Variants in LINGO2 observed in about 807,000 individuals in gnomAD.
LINGO2 encodes leucine-rich repeat and immunoglobulin-like domain-containing nogo receptor-interacting protein 2.
A neutral mutation model predicts 30.6 loss-of-function variants in LINGO2; 14 were observed. The observed-to-expected ratio is 0.46, with a 90% CI of 0.30 to 0.72. The LOEUF (loss-of-function observed/expected upper bound fraction) is 0.72, where lower values mean the gene tolerates loss of function less well. LINGO2 is among the 30% of genes least tolerant of loss of function. The pLI, the probability that LINGO2 is intolerant of heterozygous loss-of-function variation, is 0.07. For synonymous variants in LINGO2, 317 were observed against 288.5 expected, an observed-to-expected ratio of 1.10 and a Z score of -1.00; for missense variants, 729 against 751.7, an observed-to-expected ratio of 0.97 and a Z score of 0.35.
chr9:28,287,699 G>A (rs189712053), intron 4 of LINGO2, among the ~76,000 whole-genome samples: 82 of 152,250 alleles, frequency 5.4e-4, no homozygotes, highest in Admixed American at 4.4e-3. Context: ...ATAAAGTAGG[G>A]TAGCAGCTGC....
the LINGO2 span, among the ~76,000 whole-genome samples, chr9:28,695,434 C>G: frequency 6.6e-6 from 1 of 151,828 alleles, no homozygotes; most frequent in Non-Finnish European, 1.5e-5. Context: ...GACAATTTGT[C>G]AATAACTATT....
intron 1 of LINGO2, among the ~76,000 whole-genome samples, chr9:28,483,880 C>T (rs778563456): frequency 3.3e-5 from 5 of 151,922 alleles, no homozygotes; most frequent in African/African-American, 4.8e-5. Flanking sequence ...TTGTTTTAAA[C>T]ACATTCTATT....
intron 4 of LINGO2, among the ~76,000 whole-genome samples, chr9:28,028,026 GTTAT>G (rs1395321837): frequency 6.6e-6 from 1 of 152,074 alleles, no homozygotes; most frequent in Non-Finnish European, 1.5e-5. Flanking sequence ...TCACTTATTT[GTTAT>G]TTATTGAGCA....
At chr9:29,066,280 G>T in the LINGO2 span, among the ~76,000 whole-genome samples, 4 of 151,952 alleles carry the variant, frequency 2.6e-5, no homozygotes, top group East Asian at 7.7e-4. Context: ...AAACAGCAGT[G>T]ATACGTCGCA....
At chr9:28,542,304 C>T (rs1821735671) in intron 1 of LINGO2, among the ~76,000 whole-genome samples, 1 of 151,896 alleles carries the variant, frequency 6.6e-6, no homozygotes, top group Non-Finnish European at 1.5e-5. Flanking sequence ...AAGCTATCTG[C>T]TGATAGCTCT....
At chr9:28,888,152 T>TACTC in the LINGO2 span, among the ~76,000 whole-genome samples, 1 of 152,128 alleles carries the variant, frequency 6.6e-6, no homozygotes, top group East Asian at 1.9e-4. Flanking sequence ...GAGTCTCTGC[T>TACTC]ACTCACTAAT....
intron 5 of LINGO2, among the ~76,000 whole-genome samples, chr9:27,957,408 C>T (rs762539120): frequency 3.9e-5 from 6 of 152,164 alleles, no homozygotes; most frequent in Non-Finnish European, 7.3e-5. Context: ...ATTCTCCTGC[C>T]TCAGCCTCCC....
intron 1 of LINGO2, among the ~76,000 whole-genome samples, chr9:28,667,537 A>G (rs1432610402): frequency 6.6e-6 from 1 of 152,098 alleles, no homozygotes; most frequent in African/African-American, 2.4e-5. Context: ...TGAGGTCAGG[A>G]GTTCAAGAGC....
In LINGO2 at chr9:28,594,364, A is replaced by C. The variant is rs552982817; in HGVS notation, c.-365+75836T>G. On this transcript the variant is annotated intron_variant, in intron 1 of 5. Transcript: ENST00000379992. Reference sequence around the variant, plus strand: ...TCATGGTTCATGGTTCATTGCCTTCAAAATTATCAACGTGGTTCATTGCCT... The same window carrying C: ...TCATGGTTCATGGTTCATTGCCTTCCAAATTATCAACGTGGTTCATTGCCT... Among the ~76,000 whole-genome samples, 45 of 152,212 alleles carry C rather than the reference A, an allele frequency of 3.0e-4. No individual in the cohort carries two copies. The South Asian group carries it at 9.3e-3, about 32-fold the overall frequency.
At chr9:28,979,364 T>C in the LINGO2 span, among the ~76,000 whole-genome samples, 1 of 151,996 alleles carries the variant, frequency 6.6e-6, no homozygotes, top group Non-Finnish European at 1.5e-5. Context: ...CTATGGGTGG[T>C]AGAAAAGGTA....
chr9:29,098,930 CTGAGCA>C, the LINGO2 span, among the ~76,000 whole-genome samples: 1 of 152,066 alleles, frequency 6.6e-6, no homozygotes, highest in African/African-American at 2.4e-5. Context: ...CAAAGCTATC[CTGAGCA>C]AAAAGAACGA....
At chr9:28,937,771 G>A in the LINGO2 span, among the ~76,000 whole-genome samples, 4 of 152,232 alleles carry the variant, frequency 2.6e-5, no homozygotes, top group South Asian at 8.3e-4. Context: ...TCTCTCAATT[G>A]CTGTTTGGAT....
the LINGO2 span, among the ~76,000 whole-genome samples, chr9:29,211,976 A>G: frequency 3.9e-5 from 6 of 152,062 alleles, no homozygotes; most frequent in Admixed American, 1.3e-4. Flanking sequence ...TTTTTTAGAT[A>G]CAGACCCTAT....
intron 1 of LINGO2, among the ~76,000 whole-genome samples, chr9:28,544,438 C>A (rs1425649295): frequency 6.6e-6 from 1 of 152,024 alleles, no homozygotes; most frequent in African/African-American, 2.4e-5. Flanking sequence ...GTAACCCACA[C>A]TGACTGATAT....
Position 28,117,611 on chromosome 9 carries a change from T to C in LINGO2, c.-86-105206A>G, listed in dbSNP as rs1409258112. Among the ~76,000 whole-genome samples the C allele has an allele frequency of 3.5e-5, 4 of 114,982 alleles. No homozygotes were observed. The East Asian group carries it at 7.3e-4, about 21-fold the overall frequency. The allele number at this position is 114,982 out of a possible 152,430, so 75.4% of individuals were successfully genotyped here. ...GAGCCAGGTGTGGGATATAGTCTCG[T>C]GGTGCGCCGTTTCTTAAGCCGGTCT... On this transcript the variant is annotated intron_variant, in intron 4 of 5. Coordinates refer to ENST00000379992, the Ensembl canonical transcript of LINGO2.
chr9:27,992,825 G>A (rs1012780475), intron 5 of LINGO2, among the ~76,000 whole-genome samples: 2 of 151,922 alleles, frequency 1.3e-5, no homozygotes, highest in Non-Finnish European at 2.9e-5. Context: ...TGTGTGAAGC[G>A]TCACTTATAA....
At chr9:28,229,995 A>G (rs1821302134) in intron 4 of LINGO2, among the ~76,000 whole-genome samples, 1 of 151,866 alleles carries the variant, frequency 6.6e-6, no homozygotes, top group Non-Finnish European at 1.5e-5. Flanking sequence ...AGTTTCAACA[A>G]ACAAACAAAA....
chr9:28,712,528 G>A, the LINGO2 span, among the ~76,000 whole-genome samples: 1 of 150,706 alleles, frequency 6.6e-6, no homozygotes, highest in Non-Finnish European at 1.5e-5. Context: ...CCATTTTACA[G>A]AAAAATTACT....
intron 2 of LINGO2, among the ~76,000 whole-genome samples, chr9:28,383,644 C>T (rs1160996508): frequency 2.0e-5 from 3 of 151,872 alleles, no homozygotes; most frequent in Non-Finnish European, 2.9e-5. Context: ...CTTCCAAGCC[C>T]GAACCACTAA....
Sources: gnomAD v4.1 joint callset for allele counts (sites outside exome capture counted in the v4.1 genomes callset) on GRCh38, gnomAD v4.1.1 for gene constraint, MANE v1.5 for transcripts, NCBI Gene and HGNC (gene_info 2026-07-23, HGNC 2026-07-21) for gene names.